The following RARS1 variants were observed in gnomAD, a reference collection of about 807,000 sequenced individuals.
RARS1 encodes the protein arginine--tRNA ligase, cytoplasmic.
RARS1 carries 75 observed loss-of-function variants against 78.7 expected under a neutral mutation model. The observed-to-expected ratio is 0.95, with a 90% CI of 0.79 to 1.15. The LOEUF (loss-of-function observed/expected upper bound fraction) is 1.15. Ranked by LOEUF, RARS1 falls within the 50% of genes most tolerant of loss-of-function variation. The probability of loss-of-function intolerance (pLI) is 0.00; values close to 1 mark genes in which losing one functional copy is unlikely to be tolerated. For missense variants in RARS1, 787 were observed against 787.5 expected (o/e 1.00, Z 0.01); for synonymous variants, 273 against 268.2 (o/e 1.02, Z -0.18).
chr5:168,494,239 A>T, intron 4 of RARS1: 6 of 985,218 alleles, frequency 6.1e-6, no homozygotes, highest in Non-Finnish European at 7.2e-6. Context: ...TTTCATCAGC[A>T]AAATGAGGAT....
At chr5:168,490,897 G>T (rs1758068225) in intron 2 of RARS1, among the ~76,000 whole-genome samples, 1 of 152,164 alleles carries the variant, frequency 6.6e-6, no homozygotes, top group African/African-American at 2.4e-5. Context: ...AGCTGTTTGG[G>T]AGGCCGAGGC....
At chr5:168,500,751 G>C in intron 8 of RARS1, 31 bp downstream of exon 8, 2 of 1,601,094 alleles carry the variant, frequency 1.2e-6, no homozygotes, top group African/African-American at 1.3e-5. Context: ...CCTTCGTCCA[G>C]CAAATACTAT....
chr5:168,512,779 A>G (rs938317126), intron 12 of RARS1, among the ~76,000 whole-genome samples: 10 of 152,160 alleles, frequency 6.6e-5, no homozygotes, highest in African/African-American at 1.9e-4. Flanking sequence ...TGCCCACCCA[A>G]TTAAGGGTGG....
chr5:168,502,384 A>ATATATATATATATATTTTTTTT (rs1280220276), intron 9 of RARS1, among the ~76,000 whole-genome samples: 1 of 127,248 alleles, frequency 7.9e-6, no homozygotes, highest in African/African-American at 3.2e-5. Flanking sequence ...ATATATATAT[A>ATATATATATATATATTTTTTTT]TTTTTTTTTT....
chr5:168,493,827 A>C, intron 3 of RARS1, 67 bp from the exon 4 acceptor site: 1 of 1,235,598 alleles, frequency 8.1e-7, no homozygotes, highest in Non-Finnish European at 1.2e-6. Flanking sequence ...GTGCCTTGTC[A>C]GGTGTGCATT....
At position 168,518,069 on chromosome 5, in the gene RARS1, G is replaced by GTATTTTTTTTTTTT; in HGVS notation, c.1873+8_1873+9insATTTTTTTTTTTTT. 8.9e-6 allele frequency: 6 copies of GTATTTTTTTTTTTT among 675,642 alleles called. No individual in the cohort carries two copies. Among genetic ancestry groups the GTATTTTTTTTTTTT allele is most frequent in the South Asian group, 3.3e-5 (1 of 30,672 alleles). The allele number at this position is 675,642 out of a possible 1,614,324, so 41.9% of individuals were successfully genotyped here. A position where few individuals can be genotyped will look rare whatever the true frequency, so the allele number is the denominator to read the frequency against. ...GAGAAAGATAGACAGACTGGTGAGT[G>GTATTTTTTTTTTTT]TCTTTTTTTTTTTTTTTTTTTTTTT... On this transcript the variant is annotated splice_region_variant and intron_variant, in intron 14 of 14. Coordinates refer to ENST00000231572, the MANE Select transcript of RARS1 (RefSeq NM_002887.4).
chr5:168,509,438 A>ACCC (rs10533468), intron 11 of RARS1, among the ~76,000 whole-genome samples: 5 of 118,176 alleles, frequency 4.2e-5, no homozygotes, highest in Non-Finnish European at 7.0e-5. Flanking sequence ...TTTTTTAAAC[A>ACCC]CCCCCCCCCC....
intron 5 of RARS1, 70 bp downstream of exon 5, chr5:168,494,720 G>A: frequency 9.1e-7 from 1 of 1,100,274 alleles, no homozygotes; most frequent in South Asian, 1.3e-5. Flanking sequence ...GGTGGTATGT[G>A]CCTATAGTCT....
At chr5:168,509,694 G>A (rs1758529667) in intron 11 of RARS1, among the ~76,000 whole-genome samples, 1 of 149,740 alleles carries the variant, frequency 6.7e-6, no homozygotes, top group South Asian at 2.1e-4. Context: ...ACTGGCCCAG[G>A]TGCAGTGTCT....
rs754958942 is a variant in RARS1 at position 168,493,918 on chromosome 5, G to A, written c.394G>A (p.Val132Ile). ...GATGCTCAAAACCAAGGAACAGAAA[G>A]TTAATCCAAGAGAAATTGCTGAAAA... Reference protein sequence around the residue: ...SQMLKTKEQKVNPREIAENIT... With the variant: ...SQMLKTKEQKINPREIAENIT... The change falls in exon 4 of 15, where the codon GTT (valine) becomes ATT (isoleucine). Residue 132 changes from valine (V) to isoleucine (I), a missense_variant. By Grantham distance (29) the Val-to-Ile change is conservative (BLOSUM62 3). Transcript: ENST00000231572. 9.3e-6 allele frequency: 15 copies of A among 1,612,694 alleles called. No individual in the cohort carries two copies. Among genetic ancestry groups the A allele is most frequent in the Middle Eastern group, 1.6e-4 (1 of 6,082 alleles).
intron 12 of RARS1, 85 bp downstream of exon 12, chr5:168,510,771 G>A (rs986463806): frequency 2.1e-6 from 2 of 935,370 alleles, no homozygotes; most frequent in Non-Finnish European, 3.2e-6. Context: ...GAGGAGAAGT[G>A]TGAGGAGTCA....
At chr5:168,488,170 C>A in intron 1 of RARS1, 1 of 381,234 alleles carries the variant, frequency 2.6e-6, no homozygotes, top group Non-Finnish European at 5.1e-6. Flanking sequence ...CTCTGTCAAG[C>A]AGACTGGAGT....
chr5:168,492,225 GCT>G (rs1466053486), intron 2 of RARS1, among the ~76,000 whole-genome samples: 2 of 152,090 alleles, frequency 1.3e-5, no homozygotes, highest in African/African-American at 4.8e-5. Context: ...TACCTGCTTT[GCT>G]CCCTTTTATT....
chr5:168,488,168 A>G (rs547564286), intron 1 of RARS1: 183 of 382,610 alleles, frequency 4.8e-4, no homozygotes, highest in African/African-American at 3.7e-3. Flanking sequence ...CGCTCTGTCA[A>G]GCAGACTGGA....
At chr5:168,505,089 G>A (rs1031318091) in intron 9 of RARS1, among the ~76,000 whole-genome samples, 2 of 152,158 alleles carry the variant, frequency 1.3e-5, no homozygotes, top group Non-Finnish European at 2.9e-5. Flanking sequence ...GCTAATAAGC[G>A]ATACGTCTGA....
chr5:168,488,778 A>G (rs748449614), intron 2 of RARS1, 42 bp downstream of exon 2: 1 of 1,532,800 alleles, frequency 6.5e-7, no homozygotes. Context: ...AGTTTGAATC[A>G]TTATAGCTTT....
intron 9 of RARS1, among the ~76,000 whole-genome samples, chr5:168,502,897 A>G (rs1324502811): frequency 6.6e-6 from 1 of 152,142 alleles, no homozygotes; most frequent in Non-Finnish European, 1.5e-5. Flanking sequence ...TTTGTTTGAT[A>G]TGTATCTTAA....
chr5:168,500,135 C>T (rs1002664795), intron 7 of RARS1, among the ~76,000 whole-genome samples: 5 of 129,632 alleles, frequency 3.9e-5, no homozygotes, highest in African/African-American at 1.4e-4. Flanking sequence ...TGCAGTGAGC[C>T]GAAATCATGC....
chr5:168,498,810 T>C (rs1022746075), intron 7 of RARS1, among the ~76,000 whole-genome samples: 6 of 151,892 alleles, frequency 4.0e-5, no homozygotes, highest in Admixed American at 6.6e-5. Context: ...CCACAAAAAA[T>C]ACAAAAGTTA....
Sources: allele counts gnomAD v4.1 joint callset (sites outside exome capture counted in the v4.1 genomes callset), GRCh38; gene constraint gnomAD v4.1.1; transcripts MANE v1.5; gene names NCBI Gene and HGNC (gene_info 2026-07-23, HGNC 2026-07-21).